Variants in FSD2 observed in about 807,000 individuals in gnomAD.
The protein encoded by FSD2 is fibronectin type III and SPRY domain-containing protein 2.
FSD2 carries 71 observed loss-of-function variants against 80.4 expected under a neutral mutation model. That is an observed-to-expected ratio of 0.88 (90% CI 0.73 to 1.08). The LOEUF is 1.08. FSD2 is among the 50% of genes least tolerant of loss of function. The probability of loss-of-function intolerance (pLI) is 0.00; values close to 1 mark genes in which losing one functional copy is unlikely to be tolerated. For missense variants in FSD2, 923 were observed against 913.8 expected, an observed-to-expected ratio of 1.01 and a Z score of -0.13; for synonymous variants, 361 against 329.5, an observed-to-expected ratio of 1.10 and a Z score of -1.03.
intron 7 of FSD2, among the ~76,000 whole-genome samples, chr15:82,771,735 A>T (rs1533135): frequency 0.33 from 49,762 of 152,138 alleles, 8,598 homozygotes; most frequent in African/African-American, 0.45. Flanking sequence ...TGCCAGGACA[A>T]GCTAGAACCC....
intron 11 of FSD2, 122 bp downstream of exon 11, chr15:82,765,044 C>T: frequency 8.2e-7 from 1 of 1,217,196 alleles, no homozygotes; most frequent in Non-Finnish European, 1.1e-6. Context: ...CCTCCCTCCT[C>T]ACTCATTTGT....
chr15:82,765,235 AGTCC>A lies in FSD2; in HGVS notation c.1747_1750del (p.Gly583LeufsTer32). The A allele has an allele frequency of 6.2e-7, 1 of 1,612,880 alleles. No homozygotes were observed. Among genetic ancestry groups the A allele is most frequent in the East Asian group, 2.2e-5 (1 of 44,812 alleles). On this transcript the variant is annotated frameshift_variant, in exon 11 of 13. Coordinates refer to ENST00000334574, the MANE Select transcript of FSD2 (RefSeq NM_001007122.4). LOFTEE classifies it high-confidence loss of function. The stretch of plus-strand genomic sequence containing the variant: ...TCTCCTTTCACTTCGTACAGCCGTA[AGTCC>A]GTCTTCAGAAATGGTCAGCCAGGGA...
intron 12 of FSD2, among the ~76,000 whole-genome samples, chr15:82,760,259 TA>T (rs2049261829): frequency 6.6e-6 from 1 of 152,380 alleles, no homozygotes; most frequent in South Asian, 2.1e-4. Flanking sequence ...TTCCATGTGA[TA>T]AAATGGGCTT....
At chr15:82,792,397 G>A (rs2050172417) in intron 1 of FSD2, among the ~76,000 whole-genome samples, 1 of 152,070 alleles carries the variant, frequency 6.6e-6, no homozygotes, top group Non-Finnish European at 1.5e-5. Context: ...TGTATTTATT[G>A]GCCGTTTGTA....
Position 82,769,040 on chromosome 15 carries a change from G to A in FSD2, c.1403-10C>T. On this transcript the variant is annotated splice_polypyrimidine_tract_variant and intron_variant, in intron 8 of 12. Transcript: ENST00000334574. ...ATGGGGGGAGAAGGTGCTAAATGTGGGAGAAAGGGAGAGATGAACAACTGT... is the reference window on the plus strand; with the variant it reads ...ATGGGGGGAGAAGGTGCTAAATGTGAGAGAAAGGGAGAGATGAACAACTGT... 1 of 1,556,610 alleles carries A rather than the reference G, an allele frequency of 6.4e-7. No individual in the cohort carries two copies. Among genetic ancestry groups the A allele is most frequent in the Non-Finnish European group, 8.7e-7 (1 of 1,153,846 alleles).
intron 3 of FSD2, 113 bp from the exon 4 acceptor site, chr15:82,783,138 G>A: frequency 1.3e-6 from 1 of 757,830 alleles, no homozygotes; most frequent in Non-Finnish European, 2.2e-6. Context: ...TTGCAGTGTT[G>A]CCCAGGCTGG....
At chr15:82,799,570 C>A (rs2050361887) in intron 1 of FSD2, among the ~76,000 whole-genome samples, 1 of 152,132 alleles carries the variant, frequency 6.6e-6, no homozygotes. Flanking sequence ...CTTGAGCAGC[C>A]CCCTCCAGCA....
chr15:82,777,850 T>TA (rs34779936), intron 6 of FSD2, among the ~76,000 whole-genome samples: 18,873 of 130,484 alleles, frequency 0.14, 1,382 homozygotes, highest in Non-Finnish European at 0.18. Context: ...CTTTCTCAAT[T>TA]AAAAAAAAAA....
At chr15:82,802,996 G>A (rs2050449987) in intron 1 of FSD2, among the ~76,000 whole-genome samples, 1 of 152,152 alleles carries the variant, frequency 6.6e-6, no homozygotes, top group Non-Finnish European at 1.5e-5. Context: ...CAAGAGAACA[G>A]GATTGGGCTA....
chr15:82,805,729 C>T (rs2050511167), intron 1 of FSD2, among the ~76,000 whole-genome samples: 1 of 152,294 alleles, frequency 6.6e-6, no homozygotes, highest in Non-Finnish European at 1.5e-5. Context: ...AATCACCAGC[C>T]CCTGTCTGCC....
At chr15:82,767,924 G>A (rs541542157) in intron 9 of FSD2, among the ~76,000 whole-genome samples, 1 of 152,334 alleles carries the variant, frequency 6.6e-6, no homozygotes, top group African/African-American at 2.4e-5. Flanking sequence ...CAGCAGGGGA[G>A]CCCCTGGTCC....
At chr15:82,790,426 A>G (rs979217430) in intron 1 of FSD2, among the ~76,000 whole-genome samples, 1 of 152,082 alleles carries the variant, frequency 6.6e-6, no homozygotes, top group African/African-American at 2.4e-5. Flanking sequence ...TATTGCTCAC[A>G]CAGGTATTTC....
intron 3 of FSD2, among the ~76,000 whole-genome samples, chr15:82,784,400 A>G (rs913782718): frequency 2.0e-5 from 3 of 151,890 alleles, no homozygotes; most frequent in Non-Finnish European, 2.9e-5. Flanking sequence ...ACCCACCACC[A>G]AGCCCAACTA....
chr15:82,766,013 C>A lies in FSD2; in HGVS notation c.1572G>T (p.Pro524=). The part of the protein sequence containing the change: ...SGVTESVVGI[P]TCESVVQLQP... ...GCAGCTGCACCACGGACTCGCAGGT[C>A]GGGATGCCCACAACAGACCTGTACA... Residue 524 remains proline (P), a synonymous_variant, in exon 10 of 13, where the codon CCG becomes CCT. Transcript: ENST00000334574. 6.3e-7 allele frequency: 1 copy of A among 1,587,278 alleles called. No homozygotes were observed. Among genetic ancestry groups the A allele is most frequent in the South Asian group, 1.2e-5 (1 of 86,936 alleles).
At chr15:82,767,053 T>C (rs1042243481) in intron 9 of FSD2, among the ~76,000 whole-genome samples, 1 of 152,162 alleles carries the variant, frequency 6.6e-6, no homozygotes, top group African/African-American at 2.4e-5. Context: ...AGAGGGGCAC[T>C]TTTACTTATG....
At position 82,782,918 on chromosome 15, in the gene FSD2, C is replaced by A; in HGVS notation, c.843G>T (p.Lys281Asn). The A allele has an allele frequency of 6.2e-7, 1 of 1,613,928 alleles. No homozygotes were observed. Among genetic ancestry groups the A allele is most frequent in the Non-Finnish European group, 8.5e-7 (1 of 1,179,842 alleles). Residue 281 changes from lysine (K) to asparagine (N), a missense_variant, in exon 4 of 13, where the codon AAG (lysine) becomes AAT (asparagine). Transcript: ENST00000334574. ...EEKIQALGEKKKEKLEALYGQ... is the reference protein window; with the variant it reads ...EEKIQALGEKNKEKLEALYGQ... The stretch of plus-strand genomic sequence containing the variant: ...CATATAAGGCTTCCAGCTTCTCTTT[C>A]TTTTTCTCCCCTAGAGCTTGTATTT...
intron 11 of FSD2, among the ~76,000 whole-genome samples, chr15:82,762,880 G>A (rs971473839): frequency 6.6e-6 from 1 of 152,224 alleles, no homozygotes. Context: ...AAGGTTTTCA[G>A]TGAAAATCAA....
chr15:82,790,846 A>G (rs995789567), intron 1 of FSD2, among the ~76,000 whole-genome samples: 2 of 151,038 alleles, frequency 1.3e-5, no homozygotes, highest in African/African-American at 4.9e-5. Flanking sequence ...CGGACTCCCA[A>G]AGTGCTGGGA....
intron 9 of FSD2, among the ~76,000 whole-genome samples, 157 bp from the exon 10 acceptor site, chr15:82,766,188 CT>C (rs980860701): frequency 4.6e-5 from 7 of 152,370 alleles, no homozygotes; most frequent in African/African-American, 1.4e-4. Context: ...CTGGCTCCCC[CT>C]CTGCATTCCC....
Sources: allele counts gnomAD v4.1 joint callset (sites outside exome capture counted in the v4.1 genomes callset), GRCh38; gene constraint gnomAD v4.1.1; transcripts MANE v1.5; gene names NCBI Gene and HGNC (gene_info 2026-07-23, HGNC 2026-07-21).